CUL2: variants seen among roughly 807,000 people sequenced by gnomAD.
The protein encoded by CUL2 is cullin 2.
CUL2 carries 22 observed loss-of-function variants against 110.2 expected under a neutral mutation model. That is an observed-to-expected ratio of 0.20 (90% CI 0.14 to 0.28). CUL2 has a LOEUF of 0.28. Ranked by LOEUF, CUL2 falls within the 10% of genes least tolerant of loss-of-function variation. CUL2 has a pLI of 1.00. For synonymous variants in CUL2, 279 were observed against 293.2 expected, an observed-to-expected ratio of 0.95 and a Z score of 0.49; for missense variants, 631 against 905.5, an observed-to-expected ratio of 0.70 and a Z score of 3.89.
chr10:35,057,574 AC>A (rs1265929507), intron 4 of CUL2, among the ~76,000 whole-genome samples: 11 of 150,358 alleles, frequency 7.3e-5, no homozygotes, highest in African/African-American at 2.7e-4. Context: ...AATCACTTGA[AC>A]CCAGGAGGCG....
intron 1 of CUL2, among the ~76,000 whole-genome samples, chr10:35,089,411 GGTA>G (rs1212206614): frequency 6.6e-6 from 1 of 152,216 alleles, no homozygotes; most frequent in African/African-American, 2.4e-5. Context: ...TTACTACGAA[GGTA>G]GGCTTGGCCA....
At chr10:35,097,931 C>T (rs1589060367) in intron 2 of CUL2, 1 of 151,794 alleles carries the variant, frequency 6.6e-6, no homozygotes, top group South Asian at 2.1e-4. Context: ...TGCACTCCAG[C>T]CTGGGTGACA....
chr10:35,126,234 C>A (rs1210253958), intron 1 of CUL2, among the ~76,000 whole-genome samples: 2 of 152,206 alleles, frequency 1.3e-5, no homozygotes, highest in Admixed American at 6.5e-5. Context: ...ATTACAGGCC[C>A]GAGCCAGCGG....
intron 3 of CUL2, among the ~76,000 whole-genome samples, chr10:35,062,294 T>C (rs986324742): frequency 6.6e-6 from 1 of 152,186 alleles, no homozygotes; most frequent in African/African-American, 2.4e-5. Context: ...TTTTTAATTT[T>C]AGATTTTGGG....
At chr10:35,112,648 G>A (rs1184892162) in intron 1 of CUL2, among the ~76,000 whole-genome samples, 1 of 152,152 alleles carries the variant, frequency 6.6e-6, no homozygotes, top group Non-Finnish European at 1.5e-5. Flanking sequence ...ACTGGGGCCA[G>A]AGAAATAATC....
At chr10:35,025,010 G>T in intron 17 of CUL2, 122 bp downstream of exon 17, 1 of 1,288,772 alleles carries the variant, frequency 7.8e-7, no homozygotes, top group African/African-American at 1.5e-5. Flanking sequence ...TGCTTTAATG[G>T]GGAAAGGTTG....
chr10:35,094,085 G>C (rs890445159), upstream of CUL2, among the ~76,000 whole-genome samples: 1 of 152,020 alleles, frequency 6.6e-6, no homozygotes, highest in East Asian at 1.9e-4. Context: ...TGCCAGGATC[G>C]TGCTTCTTGT....
upstream of CUL2, among the ~76,000 whole-genome samples, chr10:35,091,468 G>A (rs969924893): frequency 1.3e-5 from 2 of 152,088 alleles, no homozygotes; most frequent in African/African-American, 2.4e-5. Context: ...CCAACAGTAT[G>A]TTTCCATTAT....
intron 1 of CUL2, among the ~76,000 whole-genome samples, chr10:35,075,427 C>G (rs1421894918): frequency 6.6e-6 from 1 of 152,188 alleles, no homozygotes; most frequent in Non-Finnish European, 1.5e-5. Context: ...TGTCAAACAA[C>G]TCATAAATCT....
chr10:35,071,655 A>T (rs982764438), intron 1 of CUL2, among the ~76,000 whole-genome samples: 3 of 152,132 alleles, frequency 2.0e-5, no homozygotes, highest in Admixed American at 6.6e-5. Context: ...TGATCCGCCC[A>T]CCTTGGCCTC....
In CUL2 at chr10:35,032,119, T is replaced by A. The variant is rs1023273232; in HGVS notation, c.1170+316A>T. ...AAGTTACAAAAATCTTGTAAGCAAGTTTCCTTCAAAGGTTACCCAAACTTT... is the reference window on the plus strand; with the variant it reads ...AAGTTACAAAAATCTTGTAAGCAAGATTCCTTCAAAGGTTACCCAAACTTT... On this transcript the variant is annotated intron_variant, in intron 12 of 20. Coordinates refer to ENST00000374749, the MANE Select transcript of CUL2 (RefSeq NM_003591.4). 4.6e-5 allele frequency among the ~76,000 whole-genome samples: 7 copies of A among 152,278 alleles called. No individual in the cohort carries two copies. In the East Asian group the frequency reaches 9.6e-4, roughly 21 times the overall value.
rs79175415 is a variant in CUL2 at position 35,062,088 on chromosome 10, C to T, written c.222+872G>A. Among the ~76,000 whole-genome samples, 1,420 of 152,212 alleles carry T rather than the reference C, an allele frequency of 9.3e-3. 23 individuals are homozygous for T. Among genetic ancestry groups the T allele is most frequent in the East Asian group, 0.048 (250 of 5,176 alleles). On this transcript the variant is annotated intron_variant, in intron 3 of 20. Transcript: ENST00000374749. ...ATAAAAAGCAGAGTGAAGATTCTTA[C>T]GCAGGCACTAAATTATCTCATCCAG...
chr10:35,063,736 C>T (rs1337358223), intron 2 of CUL2: 2 of 149,196 alleles, frequency 1.3e-5, no homozygotes, highest in Admixed American at 6.7e-5. Flanking sequence ...TAGCCTCTCT[C>T]GGGTGGCATT....
intron 6 of CUL2, 150 bp from the exon 7 acceptor site, chr10:35,045,018 G>T: frequency 3.6e-6 from 2 of 552,582 alleles, no homozygotes; most frequent in Non-Finnish European, 6.4e-6. Flanking sequence ...TCTTAACAAT[G>T]ATTTTTTTTA....
At position 35,078,088 on chromosome 10, in the gene CUL2, C is replaced by T. The variant is rs138390878; in HGVS notation, c.-22-6749G>A. On this transcript the variant is annotated intron_variant, in intron 1 of 20. Coordinates refer to ENST00000374749, the MANE Select transcript of CUL2 (RefSeq NM_003591.4). ...AGGGGAGAAAGCACATCATCTCTAA[C>T]TGAAAGCCGTTACTAACCTTCCCTT... 1.9e-3 allele frequency among the ~76,000 whole-genome samples: 282 copies of T among 152,172 alleles called. 3 individuals are homozygous for T. The Middle Eastern group carries it at 0.031, about 17-fold the overall frequency.
At chr10:35,114,083 T>C (rs1344583072) in intron 1 of CUL2, among the ~76,000 whole-genome samples, 1 of 98,730 alleles carries the variant, frequency 1.0e-5, no homozygotes, top group Non-Finnish European at 2.3e-5. Context: ...AATTTTTGGG[T>C]TTTTTTTTTT....
At chr10:35,056,191 GT>G (rs2086237270) in intron 4 of CUL2, among the ~76,000 whole-genome samples, 1 of 152,150 alleles carries the variant, frequency 6.6e-6, no homozygotes, top group Non-Finnish European at 1.5e-5. Flanking sequence ...ATCCACAGTA[GT>G]GGCAGGCAAA....
intron 1 of CUL2, among the ~76,000 whole-genome samples, chr10:35,087,557 T>C (rs1017070803): frequency 3.9e-5 from 6 of 152,126 alleles, no homozygotes; most frequent in African/African-American, 1.4e-4. Context: ...CAACTTAACA[T>C]GTCCAATCCA....
rs1417037651 is a variant in CUL2 at position 35,023,281 on chromosome 10, CACT to C, written c.1684+1848_1684+1850del. On this transcript the variant is annotated intron_variant, in intron 17 of 20. Coordinates refer to ENST00000374749, the MANE Select transcript of CUL2 (RefSeq NM_003591.4). ...GAAAAACAACTCTAACTCCTGGTTT[CACT>C]GATAGGTCACAGGTGTTTTCAGTAC... Among the ~76,000 whole-genome samples the C allele has an allele frequency of 5.9e-5, 9 of 152,264 alleles. No homozygotes were observed. In the East Asian group the frequency reaches 1.5e-3, roughly 26 times the overall value.
Sources: gnomAD v4.1 joint callset for allele counts (sites outside exome capture counted in the v4.1 genomes callset) on GRCh38, gnomAD v4.1.1 for gene constraint, MANE v1.5 for transcripts, NCBI Gene and HGNC (gene_info 2026-07-23, HGNC 2026-07-21) for gene names.